The following TBC1D19 variants were observed in gnomAD, a reference collection of about 807,000 sequenced individuals.
TBC1D19 encodes the protein TBC1 domain family, member 19.
TBC1D19 carries 60 observed loss-of-function variants against 89.0 expected under a neutral mutation model. That is an observed-to-expected ratio of 0.67 (90% CI 0.55 to 0.84). The LOEUF (loss-of-function observed/expected upper bound fraction) is 0.84. Among genes scored for constraint, TBC1D19 ranks in the 40% least tolerant of loss-of-function variants. TBC1D19 has a pLI of 0.00. For synonymous variants in TBC1D19, 189 were observed against 199.7 expected, an observed-to-expected ratio of 0.95 and a Z score of 0.45; for missense variants, 500 against 610.8, an observed-to-expected ratio of 0.82 and a Z score of 1.91.
At chr4:26,738,642 T>A (rs1026089170) in intron 16 of TBC1D19, among the ~76,000 whole-genome samples, 2 of 151,874 alleles carry the variant, frequency 1.3e-5, no homozygotes, top group African/African-American at 4.8e-5. Context: ...AATACATTTT[T>A]CTATATATAT....
chr4:26,808,417 A>G, the TBC1D19 span, among the ~76,000 whole-genome samples: 1 of 152,200 alleles, frequency 6.6e-6, no homozygotes, highest in South Asian at 2.1e-4. Flanking sequence ...GACACATTAA[A>G]TCAAATCATT....
At chr4:26,850,546 A>AAAAAAAAAAT in the TBC1D19 span, among the ~76,000 whole-genome samples, 1 of 55,414 alleles carries the variant, frequency 1.8e-5, no homozygotes, top group African/African-American at 4.3e-5. Flanking sequence ...GTCTCAAAAA[A>AAAAAAAAAAT]AAAAAAAAAA....
chr4:26,796,651 A>C, the TBC1D19 span, among the ~76,000 whole-genome samples: 1 of 152,126 alleles, frequency 6.6e-6, no homozygotes, highest in Admixed American at 6.6e-5. Context: ...GTGAGTGATG[A>C]CTACACCACT....
At chr4:26,849,782 C>A in the TBC1D19 span, among the ~76,000 whole-genome samples, 3 of 152,266 alleles carry the variant, frequency 2.0e-5, no homozygotes, top group African/African-American at 7.2e-5. Context: ...CCATATTATG[C>A]CAACTTTAAA....
At chr4:26,577,998 C>T (rs572174784) in intron 1 of TBC1D19, among the ~76,000 whole-genome samples, 2 of 152,232 alleles carry the variant, frequency 1.3e-5, no homozygotes, top group East Asian at 1.9e-4. Context: ...TTTCTTCTCT[C>T]TTCTCCTTTG....
intron 2 of TBC1D19, among the ~76,000 whole-genome samples, chr4:26,613,936 C>A: frequency 6.6e-6 from 1 of 152,132 alleles, no homozygotes; most frequent in East Asian, 1.9e-4. Flanking sequence ...AGCAGCTGAG[C>A]TAACTTGTCT....
At chr4:26,640,631 T>C (rs1743436254) in intron 7 of TBC1D19, among the ~76,000 whole-genome samples, 1 of 152,110 alleles carries the variant, frequency 6.6e-6, no homozygotes, top group African/African-American at 2.4e-5. Context: ...GGCAAGGGGT[T>C]GGGGGATTTC....
the TBC1D19 span, among the ~76,000 whole-genome samples, chr4:26,812,242 T>A: frequency 6.6e-6 from 1 of 152,142 alleles, no homozygotes; most frequent in Non-Finnish European, 1.5e-5. This position sits in a 1 kb window ranked among gnomAD's most constrained non-coding sequence, Gnocchi z 4.2. Context: ...CACATGACTT[T>A]GCTCATTGTT....
chr4:26,856,909 T>C, the TBC1D19 span, among the ~76,000 whole-genome samples: 1 of 152,230 alleles, frequency 6.6e-6, no homozygotes, highest in Non-Finnish European at 1.5e-5. Flanking sequence ...GTTAACTCGC[T>C]TCTGTTGAGC....
chr4:26,581,489 T>A (rs1045988144), upstream of TBC1D19, among the ~76,000 whole-genome samples: 30 of 152,178 alleles, frequency 2.0e-4, no homozygotes, highest in African/African-American at 6.5e-4. Context: ...GGTTTTCTGT[T>A]CCTGTGTTAG....
intron 19 of TBC1D19, among the ~76,000 whole-genome samples, chr4:26,749,683 GTGA>G (rs1718846607): frequency 1.3e-5 from 2 of 152,084 alleles, no homozygotes; most frequent in African/African-American, 2.4e-5. Context: ...CTGACCTCAA[GTGA>G]TCCACCCGCC....
upstream of TBC1D19, chr4:26,584,069 C>T: frequency 1.1e-6 from 1 of 926,864 alleles, no homozygotes; most frequent in Non-Finnish European, 1.6e-6. Flanking sequence ...TGGTAACGCC[C>T]GCTGGAGGAG....
At chr4:26,678,745 G>C (rs957635036) in intron 11 of TBC1D19, among the ~76,000 whole-genome samples, 5 of 152,146 alleles carry the variant, frequency 3.3e-5, no homozygotes, top group Admixed American at 2.6e-4. Flanking sequence ...TTACAGTAAA[G>C]ATCTTTGAGC....
At chr4:26,680,879 A>G (rs1713279701) in intron 11 of TBC1D19, among the ~76,000 whole-genome samples, 1 of 152,168 alleles carries the variant, frequency 6.6e-6, no homozygotes, top group South Asian at 2.1e-4. Context: ...TGTATTTCTC[A>G]GAATTCCATT....
chr4:26,599,987 C>T (rs573842531), intron 1 of TBC1D19, among the ~76,000 whole-genome samples: 7 of 145,982 alleles, frequency 4.8e-5, no homozygotes, highest in African/African-American at 1.5e-4. Flanking sequence ...AATTTGCTCA[C>T]TCATCTTCTA....
At chr4:26,597,194 C>T (rs550191196) in intron 1 of TBC1D19, among the ~76,000 whole-genome samples, 2 of 152,208 alleles carry the variant, frequency 1.3e-5, no homozygotes, top group East Asian at 1.9e-4. Flanking sequence ...ATGTATTAGT[C>T]TATTTCTCTT....
chr4:26,697,197 T>C (rs1714867693), intron 13 of TBC1D19, among the ~76,000 whole-genome samples: 1 of 152,050 alleles, frequency 6.6e-6, no homozygotes, highest in Admixed American at 6.5e-5. Context: ...CCCACAGAAA[T>C]ACAAACTACC....
At chr4:26,815,767 G>A in the TBC1D19 span, among the ~76,000 whole-genome samples, 54 of 152,208 alleles carry the variant, frequency 3.5e-4, no homozygotes, top group Non-Finnish European at 1.8e-4. Context: ...ATAATTTCCT[G>A]TCTTGTCGGT....
chr4:26,643,585 A>T (rs1743700394), intron 7 of TBC1D19, among the ~76,000 whole-genome samples: 1 of 152,212 alleles, frequency 6.6e-6, no homozygotes, highest in South Asian at 2.1e-4. Context: ...TCAGAGCAGA[A>T]CTGAAGGAGA....
Sources: gnomAD v4.1 joint callset for allele counts (sites outside exome capture counted in the v4.1 genomes callset) on GRCh38, gnomAD v4.1.1 for gene constraint, Gnocchi (gnomAD v3.1) non-coding constraint, MANE v1.5 for transcripts, NCBI Gene and HGNC (gene_info 2026-07-23, HGNC 2026-07-21) for gene names.